Variants in MED20 observed in about 807,000 individuals in gnomAD.
MED20 encodes mediator of RNA polymerase II transcription subunit 20.
MED20 carries 19 observed loss-of-function variants against 19.7 expected under a neutral mutation model. The observed-to-expected ratio is 0.96, with a 90% CI of 0.67 to 1.42. The LOEUF (loss-of-function observed/expected upper bound fraction) is 1.42. Among genes scored for constraint, MED20 ranks in the 40% most tolerant of loss-of-function variants. The pLI is 0.00. For missense variants in MED20, 225 were observed against 273.0 expected (o/e 0.82, Z 1.24); for synonymous variants, 105 against 104.8 (o/e 1.00, Z -0.01).
Position 41,917,192 on chromosome 6 carries a change from G to A in MED20, c.15-253C>T, listed in dbSNP as rs147142072. ...CAAGGCGGGTGGATCACGAAGTCAGGAGTTCAAGACAAGCCTGGCCAACAT... is the reference window on the plus strand; with the variant it reads ...CAAGGCGGGTGGATCACGAAGTCAGAAGTTCAAGACAAGCCTGGCCAACAT... On this transcript the variant is annotated intron_variant, in intron 1 of 3. Coordinates refer to ENST00000265350, the MANE Select transcript of MED20 (RefSeq NM_004275.5). 7.2e-4 allele frequency among the ~76,000 whole-genome samples: 109 copies of A among 152,176 alleles called. 2 individuals carry two copies. In the East Asian group the frequency reaches 0.016, roughly 23 times the overall value.
intron 2 of MED20, among the ~76,000 whole-genome samples, chr6:41,912,383 G>C (rs1775219752): frequency 7.7e-6 from 1 of 130,306 alleles, no homozygotes; most frequent in South Asian, 2.4e-4. Flanking sequence ...TGGAGATGGA[G>C]TCTAGCTCTG....
intron 2 of MED20, among the ~76,000 whole-genome samples, chr6:41,910,613 C>G (rs1385535504): frequency 7.2e-6 from 1 of 139,470 alleles, no homozygotes; most frequent in East Asian, 2.1e-4. Flanking sequence ...GTCTGGGCAA[C>G]AGAGCAATAC....
chr6:41,913,279 G>A (rs185766053), intron 2 of MED20, among the ~76,000 whole-genome samples: 1 of 152,150 alleles, frequency 6.6e-6, no homozygotes, highest in Non-Finnish European at 1.5e-5. Context: ...CACAGAGCCA[G>A]TAACCAGCAA....
intron 3 of MED20, 99 bp from the exon 4 acceptor site, chr6:41,907,386 C>G (rs1000053120): frequency 8.7e-7 from 1 of 1,150,232 alleles, no homozygotes; most frequent in Non-Finnish European, 1.2e-6. Context: ...TCCCCAACCC[C>G]GAGCTAAAGA....
intron 1 of MED20, chr6:41,917,400 A>T: frequency 6.8e-6 from 1 of 147,024 alleles, no homozygotes; most frequent in Non-Finnish European, 1.5e-5. Context: ...ACGCCATCTT[A>T]AAAAAAAAAA....
rs758123802 is a variant in MED20, at chr6:41,909,464, G to A, written c.228C>T (p.Phe76=). The change falls in exon 3 of 4, where the codon TTC becomes TTT. Residue 76 remains phenylalanine (F), a synonymous_variant. Transcript: ENST00000265350. ...MHNSEYPLSC[F]ALFENGPCLI... is the part of the protein sequence containing the mutation. The stretch of plus-strand genomic sequence containing the variant: ...GGCAAGGGCCATTCTCAAAGAGGGC[G>A]AAACAGCTCAATGGGTACTCTGAGT... 31 of 1,614,124 alleles carry A rather than the reference G, an allele frequency of 1.9e-5. 1 individual carries two copies. Among genetic ancestry groups the A allele is most frequent in the Non-Finnish European group, 2.4e-5 (28 of 1,180,044 alleles).
chr6:41,920,442 A>G (rs1183768902), intron 1 of MED20, among the ~76,000 whole-genome samples: 2 of 152,282 alleles, frequency 1.3e-5, no homozygotes, highest in East Asian at 1.9e-4. Context: ...GTCATAGTCC[A>G]AAGACCCTAT....
At chr6:41,912,283 C>A (rs1420811972) in intron 2 of MED20, among the ~76,000 whole-genome samples, 1 of 148,778 alleles carries the variant, frequency 6.7e-6, no homozygotes, top group African/African-American at 2.5e-5. Context: ...TCAAGCAATC[C>A]TCTCACCTCT....
intron 2 of MED20, among the ~76,000 whole-genome samples, chr6:41,916,281 A>ATAAAATAAAATAAAG (rs1168213735): frequency 9.9e-5 from 15 of 151,606 alleles, no homozygotes; most frequent in African/African-American, 3.4e-4. Flanking sequence ...ATAAAATAAA[A>ATAAAATAAAATAAAG]TAAAATAAAA....
chr6:41,907,322 G>T, intron 3 of MED20, 35 bp from the exon 4 acceptor site: 3 of 1,569,656 alleles, frequency 1.9e-6, no homozygotes, highest in African/African-American at 1.4e-5. Context: ...GAGGGTGAAT[G>T]AAGGCTAAGA....
chr6:41,907,381 A>G lies in MED20; in HGVS notation c.424-94T>C. 6.6e-6 allele frequency: 8 copies of G among 1,205,402 alleles called. No homozygotes were observed. In the South Asian group the frequency reaches 1.0e-4, roughly 15 times the overall value. The allele number at this position is 1,205,402 out of a possible 1,614,324, so 74.7% of individuals were successfully genotyped here. ...CCTGCCTCCTGCTCCCATCTTCCCC[A>G]ACCCCGAGCTAAAGACACACACCTC... is the stretch of plus-strand genomic sequence containing the variant. On this transcript the variant is annotated intron_variant, in intron 3 of 3. Coordinates refer to ENST00000265350, the MANE Select transcript of MED20 (RefSeq NM_004275.5).
Position 41,921,111 on chromosome 6 carries a change from TTCTG to T in MED20, c.-97_-94del. On this transcript the variant is annotated 5_prime_UTR_variant, in exon 1 of 4. Transcript: ENST00000265350. The stretch of plus-strand genomic sequence containing the variant: ...ACTCCTTCAGTTCCCCAACACAACC[TTCTG>T]TCTCAGAAGGGACTCCGGAAATACG... 6.5e-7 allele frequency: 1 copy of T among 1,534,474 alleles called. No homozygotes were observed. The highest frequency in any genetic ancestry group is 8.9e-7 in the Non-Finnish European group (1 of 1,123,304).
At chr6:41,910,487 C>T (rs187008729) in intron 2 of MED20, among the ~76,000 whole-genome samples, 57 of 151,894 alleles carry the variant, frequency 3.8e-4, no homozygotes, top group African/African-American at 1.3e-3. Context: ...CAAAAATTAT[C>T]TGGGTGTGGC....
chr6:41,918,953 C>CAAA (rs36153208), intron 1 of MED20, among the ~76,000 whole-genome samples: 20 of 76,180 alleles, frequency 2.6e-4, no homozygotes, highest in Admixed American at 1.5e-3. Flanking sequence ...GACTCCGTCT[C>CAAA]AAAAAAAAAA....
intron 2 of MED20, among the ~76,000 whole-genome samples, chr6:41,912,767 A>G (rs1582058415): frequency 2.6e-5 from 4 of 152,276 alleles, no homozygotes; most frequent in Non-Finnish European, 4.4e-5. Context: ...AATGAAGCCA[A>G]TTGGATCCCA....
intron 2 of MED20, 110 bp downstream of exon 2, chr6:41,916,675 C>T: frequency 7.4e-7 from 1 of 1,348,142 alleles, no homozygotes; most frequent in Non-Finnish European, 1.0e-6. Context: ...CATCTCGCCA[C>T]ATGTTTAAGA....
chr6:41,920,966 A>G, intron 1 of MED20, 39 bp downstream of exon 1: 3 of 1,597,494 alleles, frequency 1.9e-6, no homozygotes, highest in Non-Finnish European at 2.6e-6. Flanking sequence ...GCCTTTCACA[A>G]CTCCAAGCCC....
chr6:41,917,985 C>A, intron 1 of MED20: 7 of 250,914 alleles, frequency 2.8e-5, no homozygotes, highest in East Asian at 1.1e-4. Flanking sequence ...ACAGTATTCA[C>A]GAAAATTGAA....
chr6:41,907,415 G>T, intron 3 of MED20, 128 bp from the exon 4 acceptor site: 1 of 802,226 alleles, frequency 1.2e-6, no homozygotes, highest in African/African-American at 1.7e-5. Context: ...TCCTAGCACA[G>T]TATTGGTCCA....
Sources: gnomAD v4.1 joint callset for allele counts (sites outside exome capture counted in the v4.1 genomes callset) on GRCh38, gnomAD v4.1.1 for gene constraint, MANE v1.5 for transcripts, NCBI Gene and HGNC (gene_info 2026-07-23, HGNC 2026-07-21) for gene names.